OR1J2: variants seen among roughly 807,000 people sequenced by gnomAD.
OR1J2 encodes the protein olfactory receptor 1J2.
For missense variants in OR1J2, 304 were observed against 246.1 expected (o/e 1.24, Z -1.57); for synonymous variants, 142 against 99.7 (o/e 1.42, Z -2.52).
the OR1J2 span, chr9:122,568,415 C>A: frequency 6.2e-7 from 1 of 1,613,330 alleles, no homozygotes; most frequent in Non-Finnish European, 8.5e-7. Flanking sequence ...GGTCCTCAGG[C>A]CGGGAGGAGA....
chr9:122,475,937 C>G, the OR1J2 span: 1 of 152,226 alleles, frequency 6.6e-6, no homozygotes, highest in African/African-American at 2.4e-5. Flanking sequence ...TACACTGAGT[C>G]ACTCTGGAAT....
the OR1J2 span, among the ~76,000 whole-genome samples, chr9:122,573,448 A>G: frequency 6.6e-6 from 1 of 152,332 alleles, no homozygotes; most frequent in African/African-American, 2.4e-5. Flanking sequence ...TCTAATGGGT[A>G]TACAGTGGTA....
At chr9:122,469,429 C>G in the OR1J2 span, among the ~76,000 whole-genome samples, 2 of 152,186 alleles carry the variant, frequency 1.3e-5, no homozygotes, top group East Asian at 1.9e-4. Context: ...TGCCTTTCAC[C>G]TCCCACTATG....
chr9:122,477,591 ACTGT>A, the OR1J2 span: 61 of 1,614,044 alleles, frequency 3.8e-5, no homozygotes, highest in African/African-American at 5.3e-5. Flanking sequence ...TGATAAGGAA[ACTGT>A]CTAAGTCAGC....
chr9:122,525,148 A>T, the OR1J2 span, among the ~76,000 whole-genome samples: 3 of 152,196 alleles, frequency 2.0e-5, no homozygotes, highest in African/African-American at 7.2e-5. Flanking sequence ...CTCTGAGGGA[A>T]CATCTGGAAA....
chr9:122,462,293 A>G, the OR1J2 span, among the ~76,000 whole-genome samples: 5 of 145,082 alleles, frequency 3.4e-5, no homozygotes, highest in East Asian at 2.1e-4. Flanking sequence ...CCTTGACCTT[A>G]AGTGTATGTG....
At chr9:122,519,860 C>A in the OR1J2 span, 4 of 1,614,182 alleles carry the variant, frequency 2.5e-6, no homozygotes, top group Non-Finnish European at 2.5e-6. Flanking sequence ...CTTTGTCCAC[C>A]TGTGGCTCTC....
At chr9:122,565,550 A>G in the OR1J2 span, among the ~76,000 whole-genome samples, 46,935 of 152,142 alleles carry the variant, frequency 0.31, 8,118 homozygotes, top group East Asian at 0.81. Flanking sequence ...TGCCAGCAGC[A>G]GAGACCAACG....
upstream of OR1J2, among the ~76,000 whole-genome samples, chr9:122,509,113 C>T (rs1247283644): frequency 1.3e-5 from 2 of 152,174 alleles, no homozygotes; most frequent in East Asian, 1.9e-4. Flanking sequence ...ATAAGCTCCC[C>T]ATTTTAAAGT....
chr9:122,454,465 C>T, the OR1J2 span, among the ~76,000 whole-genome samples: 1 of 152,074 alleles, frequency 6.6e-6, no homozygotes, highest in African/African-American at 2.4e-5. Context: ...TTGCAGCGAG[C>T]TGAGATCATG....
At chr9:122,534,775 G>A in the OR1J2 span, among the ~76,000 whole-genome samples, 9 of 152,232 alleles carry the variant, frequency 5.9e-5, no homozygotes, top group Admixed American at 3.3e-4. Context: ...GATTTCGGAC[G>A]ATTTGCATTG....
the OR1J2 span, among the ~76,000 whole-genome samples, chr9:122,533,657 A>G: frequency 6.6e-6 from 1 of 152,120 alleles, no homozygotes; most frequent in Non-Finnish European, 1.5e-5. Flanking sequence ...AGTGCATAAA[A>G]GAATGTTTTC....
chr9:122,568,673 G>A, the OR1J2 span: 5,675 of 512,758 alleles, frequency 0.011, 262 homozygotes, highest in African/African-American at 0.097. Context: ...GGCTCCATAA[G>A]GGCATTATAT....
At chr9:122,497,787 T>C in the OR1J2 span, among the ~76,000 whole-genome samples, 1 of 152,210 alleles carries the variant, frequency 6.6e-6, no homozygotes. Context: ...TTCTAACTTT[T>C]TGAGGTAGGC....
chr9:122,568,480 A>C, the OR1J2 span: 1 of 1,545,942 alleles, frequency 6.5e-7, no homozygotes, highest in Non-Finnish European at 8.8e-7. Flanking sequence ...CTTTCCATTG[A>C]CTTGGGCTCA....
At chr9:122,522,383 C>G in the OR1J2 span, among the ~76,000 whole-genome samples, 1 of 152,166 alleles carries the variant, frequency 6.6e-6, no homozygotes, top group African/African-American at 2.4e-5. Flanking sequence ...CCAGGAACTC[C>G]AGCACTTGAT....
At chr9:122,469,255 T>G in the OR1J2 span, among the ~76,000 whole-genome samples, 3 of 152,210 alleles carry the variant, frequency 2.0e-5, no homozygotes, top group African/African-American at 7.2e-5. Flanking sequence ...ATAATTCCCA[T>G]GTGTTGTGGG....
the OR1J2 span, among the ~76,000 whole-genome samples, chr9:122,497,574 G>A: frequency 2.0e-5 from 3 of 151,898 alleles, no homozygotes; most frequent in East Asian, 3.9e-4. Context: ...TGTTAATCTA[G>A]CTAGTGGTCT....
the OR1J2 span, among the ~76,000 whole-genome samples, chr9:122,453,999 A>G: frequency 6.6e-6 from 1 of 152,230 alleles, no homozygotes; most frequent in Non-Finnish European, 1.5e-5. Context: ...CTAAAACAGT[A>G]ATCCCAACCT....
Sources: allele counts gnomAD v4.1 joint callset (sites outside exome capture counted in the v4.1 genomes callset), GRCh38; gene constraint gnomAD v4.1.1; transcripts MANE v1.5; gene names NCBI Gene and HGNC (gene_info 2026-07-23, HGNC 2026-07-21).